The following ZNF366 variants were observed in gnomAD, a reference collection of about 807,000 sequenced individuals.
ZNF366 encodes the protein dendritic cell-specific transcript protein.
In ZNF366, 20 loss-of-function variants were observed where a neutral mutation model predicts 47.2. That is an observed-to-expected ratio of 0.42 (90% CI 0.30 to 0.62). The LOEUF (loss-of-function observed/expected upper bound fraction) is 0.62, where lower values mean the gene tolerates loss of function less well. ZNF366 is among the 20% of genes least tolerant of loss of function. The pLI is 0.16. For missense variants in ZNF366, 987 were observed against 976.3 expected (o/e 1.01, Z -0.15); for synonymous variants, 421 against 395.1 (o/e 1.07, Z -0.78).
At chr5:72,483,693 G>A (rs1034396150) in intron 1 of ZNF366, among the ~76,000 whole-genome samples, 2 of 152,152 alleles carry the variant, frequency 1.3e-5, no homozygotes, top group African/African-American at 2.4e-5. Flanking sequence ...TCTAGATATT[G>A]ATCCTAAACT....
At chr5:72,458,481 A>G (rs1472635321) in intron 2 of ZNF366, among the ~76,000 whole-genome samples, 2 of 152,216 alleles carry the variant, frequency 1.3e-5, no homozygotes, top group African/African-American at 4.8e-5. Flanking sequence ...AATGAGCAGG[A>G]GCCTGGACAC....
At chr5:72,468,502 A>G (rs1368697607) in intron 1 of ZNF366, among the ~76,000 whole-genome samples, 1 of 152,236 alleles carries the variant, frequency 6.6e-6, no homozygotes, top group Admixed American at 6.5e-5. Context: ...TCCTAAATAC[A>G]ACCAAGACAT....
chr5:72,455,642 T>A (rs1408666114), intron 3 of ZNF366, among the ~76,000 whole-genome samples: 1 of 152,134 alleles, frequency 6.6e-6, no homozygotes, highest in Non-Finnish European at 1.5e-5. Context: ...CATTTCTGAG[T>A]AATGCCCGTC....
At chr5:72,466,934 G>C (rs1743441305) in intron 1 of ZNF366, among the ~76,000 whole-genome samples, 1 of 152,186 alleles carries the variant, frequency 6.6e-6, no homozygotes, top group African/African-American at 2.4e-5. Flanking sequence ...TTATCAAAGT[G>C]CCACCAAGTT....
rs774290614 is a variant in ZNF366, at chr5:72,447,298, C to T, written c.1644G>A (p.Leu548=). The T allele has an allele frequency of 6.8e-6, 11 of 1,614,048 alleles. No individual in the cohort carries two copies. Among genetic ancestry groups the T allele is most frequent in the Non-Finnish European group, 9.3e-6 (11 of 1,180,042 alleles). Residue 548 remains leucine, a synonymous_variant, in exon 4 of 5, where the codon CTG becomes CTA. Transcript: ENST00000318442. ...CATGCTTGACTTTCATGTGGCGTGT[C>T]AGGTTCCCCTTCAGGGTGAATTTGC... ...CPSKFTLKGN[L]TRHMKVKHGV... is the part of the protein sequence containing the mutation.
chr5:72,469,806 G>T (rs1006815665), intron 1 of ZNF366, among the ~76,000 whole-genome samples: 5 of 152,164 alleles, frequency 3.3e-5, no homozygotes, highest in Non-Finnish European at 7.4e-5. Context: ...AGCAACTAGG[G>T]AGGCTGAGGC....
chr5:72,483,790 G>A (rs1014765388), intron 1 of ZNF366, among the ~76,000 whole-genome samples: 1 of 152,116 alleles, frequency 6.6e-6, no homozygotes, highest in Non-Finnish European at 1.5e-5. Flanking sequence ...TGATGGGCCT[G>A]GGGCTTCATC....
rs1169028261 is a variant in ZNF366 at position 72,444,694 on chromosome 5, T to C, written c.1700-403A>G. On this transcript the variant is annotated intron_variant, in intron 4 of 4. Transcript: ENST00000318442. The stretch of plus-strand genomic sequence containing the variant: ...TTAAATAAATAATGATATATCCATA[T>C]AGCAAATTATGCATAGGGGATGTAG... Among the ~76,000 whole-genome samples the C allele has an allele frequency of 2.6e-5, 4 of 152,198 alleles. No homozygotes were observed. The East Asian group carries it at 7.7e-4, about 29-fold the overall frequency.
chr5:72,497,439 T>C (rs1344681123), intron 1 of ZNF366, among the ~76,000 whole-genome samples: 1 of 152,142 alleles, frequency 6.6e-6, no homozygotes, highest in Non-Finnish European at 1.5e-5. Flanking sequence ...CAATTGAACA[T>C]ATACTGAGAG....
At chr5:72,492,722 G>A (rs1306149563) in intron 1 of ZNF366, among the ~76,000 whole-genome samples, 2 of 152,224 alleles carry the variant, frequency 1.3e-5, no homozygotes, top group Non-Finnish European at 2.9e-5. Flanking sequence ...AGCCTGCTAT[G>A]AAAGTTCATT....
rs144289810 is a variant in ZNF366 at position 72,505,773 on chromosome 5, C to G, written c.-15+1478G>C. ...GCAATAATGCCCTCGACAATCTATTCCAGCTACCTCTTGATCTGAAGATCT... is the reference window on the plus strand; with the variant it reads ...GCAATAATGCCCTCGACAATCTATTGCAGCTACCTCTTGATCTGAAGATCT... On this transcript the variant is annotated intron_variant, in intron 1 of 4. Transcript: ENST00000318442. 5.3e-3 allele frequency among the ~76,000 whole-genome samples: 812 copies of G among 152,322 alleles called. 8 individuals are homozygous for G. Among genetic ancestry groups the G allele is most frequent in the African/African-American group, 0.018 (734 of 41,580 alleles).
intron 1 of ZNF366, among the ~76,000 whole-genome samples, chr5:72,472,114 T>A (rs1216580881): frequency 6.6e-6 from 1 of 152,236 alleles, no homozygotes; most frequent in Non-Finnish European, 1.5e-5. Context: ...GCTTCAAGTG[T>A]CTCTTCTGTG....
At chr5:72,462,547 C>CTTTCTTTTCTTTCTTTCT (rs11275151) in intron 1 of ZNF366, among the ~76,000 whole-genome samples, 1 of 78,916 alleles carries the variant, frequency 1.3e-5, no homozygotes, top group Non-Finnish European at 2.2e-5. Context: ...TTCTTTCTTT[C>CTTTCTTTTCTTTCTTTCT]TTTTTTTTTT....
At chr5:72,449,238 T>C (rs1743015131) in intron 3 of ZNF366, among the ~76,000 whole-genome samples, 2 of 145,544 alleles carry the variant, frequency 1.4e-5, no homozygotes, top group African/African-American at 5.1e-5. Flanking sequence ...TCCACCATCA[T>C]GGCTGAAAGG....
chr5:72,443,714 G>A lies in ZNF366; in HGVS notation c.*42C>T. ...TCATGCAGAAAGCTATATTTGAACTGCCTCCTTCTCATTTTCCAAATGTAA... is the reference window on the plus strand; with the variant it reads ...TCATGCAGAAAGCTATATTTGAACTACCTCCTTCTCATTTTCCAAATGTAA... On this transcript the variant is annotated 3_prime_UTR_variant, in exon 5 of 5. Coordinates refer to ENST00000318442, the MANE Select transcript of ZNF366 (RefSeq NM_152625.3). 2 of 1,572,240 alleles carry A rather than the reference G, an allele frequency of 1.3e-6. No homozygotes were observed. The highest frequency in any genetic ancestry group is 1.7e-6 in the Non-Finnish European group (2 of 1,158,762).
intron 1 of ZNF366, among the ~76,000 whole-genome samples, chr5:72,480,060 T>A (rs951307067): frequency 4.6e-5 from 7 of 152,184 alleles, no homozygotes; most frequent in Admixed American, 1.3e-4. Context: ...TAAGGCAGAA[T>A]CATACATGAG....
In ZNF366 at chr5:72,443,614, C is replaced by A; in HGVS notation, c.*142G>T. ...AATGACCTGAGAAGGCTTTCCATTA[C>A]CTACATCCCTGCTCATTTAGTCTAA... On this transcript the variant is annotated 3_prime_UTR_variant, in exon 5 of 5. Transcript: ENST00000318442. The A allele has an allele frequency of 2.2e-6, 2 of 917,836 alleles. No homozygotes were observed. Among genetic ancestry groups the A allele is most frequent in the Non-Finnish European group, 3.2e-6 (2 of 625,680 alleles). The allele number at this position is 917,836 out of a possible 1,614,324, so 56.9% of individuals were successfully genotyped here. A position where few individuals can be genotyped will look rare whatever the true frequency, so the allele number is the denominator to read the frequency against.
chr5:72,495,797 A>G (rs954789270), intron 1 of ZNF366, among the ~76,000 whole-genome samples: 1 of 152,164 alleles, frequency 6.6e-6, no homozygotes, highest in African/African-American at 2.4e-5. Context: ...CCACTATAAA[A>G]GAGCTGGTAT....
chr5:72,460,034 C>T (rs143561174), intron 2 of ZNF366, 131 bp downstream of exon 2: 132 of 1,279,556 alleles, frequency 1.0e-4, no homozygotes, highest in Middle Eastern at 8.3e-4. Flanking sequence ...CAAGGGACCG[C>T]TTGTCCGGGG....
Sources: gnomAD v4.1 joint callset for allele counts (sites outside exome capture counted in the v4.1 genomes callset) on GRCh38, gnomAD v4.1.1 for gene constraint, MANE v1.5 for transcripts, NCBI Gene and HGNC (gene_info 2026-07-23, HGNC 2026-07-21) for gene names.